PIK3R1: variants seen among roughly 807,000 people sequenced by gnomAD.
The protein encoded by PIK3R1 is phosphoinositide-3-kinase regulatory subunit 1, also known as phosphatidylinositol 3-kinase regulatory subunit alpha.
A neutral mutation model predicts 98.0 loss-of-function variants in PIK3R1; 29 were observed. The observed-to-expected ratio is 0.30, with a 90% confidence interval of 0.22 to 0.40. The LOEUF is 0.40. Among genes scored for constraint, PIK3R1 ranks in the 10% least tolerant of loss-of-function variants. The pLI, the probability that PIK3R1 is intolerant of heterozygous loss-of-function variation, is 1.00. For missense variants in PIK3R1, 596 were observed against 872.7 expected (o/e 0.68, Z 3.99); for synonymous variants, 282 against 311.8 (o/e 0.90, Z 1.01).
Position 68,301,126 on chromosome 5 carries a change from G to C in PIK3R1, c.*3525G>C. 4.4e-6 allele frequency: 1 copy of C among 227,924 alleles called. No homozygotes were observed. The highest frequency in any genetic ancestry group is 8.7e-6 in the Non-Finnish European group (1 of 114,648). 14.1% of individuals were successfully genotyped at this position (227,924 alleles called of 1,614,324 possible). On this transcript the variant is annotated 3_prime_UTR_variant, in exon 16 of 16. Coordinates refer to ENST00000521381, the MANE Select transcript of PIK3R1 (RefSeq NM_181523.3). ...GAAACGCAGACACTGAGATCTGTTT[G>C]AGTTTAGGGTCATTTTTAGAAAGGG...
intron 2 of PIK3R1, among the ~76,000 whole-genome samples, chr5:68,271,517 G>C (rs1746359385): frequency 6.6e-6 from 1 of 152,200 alleles, no homozygotes; most frequent in African/African-American, 2.4e-5. Context: ...GTGCAGGCAA[G>C]TAAGACTATA....
chr5:68,278,889 G>A (rs1399871864), intron 4 of PIK3R1, among the ~76,000 whole-genome samples: 9 of 151,448 alleles, frequency 5.9e-5, no homozygotes, highest in Non-Finnish European at 8.8e-5. Context: ...GCAGTGAGCC[G>A]AGATCACACC....
At chr5:68,261,646 A>G (rs1373808502) in intron 2 of PIK3R1, among the ~76,000 whole-genome samples, 1 of 152,196 alleles carries the variant, frequency 6.6e-6, no homozygotes, top group Non-Finnish European at 1.5e-5. Context: ...GATGACCAAC[A>G]GGGGGAAACC....
Position 68,300,950 on chromosome 5 carries a change from G to A in PIK3R1, c.*3349G>A, listed in dbSNP as rs1430868568. 4.3e-6 allele frequency: 1 copy of A among 233,272 alleles called. No individual in the cohort carries two copies. Among genetic ancestry groups the A allele is most frequent in the Non-Finnish European group, 8.5e-6 (1 of 117,926 alleles). 14.5% of individuals were successfully genotyped at this position (233,272 alleles called of 1,614,324 possible). On this transcript the variant is annotated 3_prime_UTR_variant, in exon 16 of 16. Transcript: ENST00000521381. Reference sequence around the variant, plus strand: ...GTGTCGAGTCAAAATGTGTTTATGTGAGCTGTCACTGTGGGGAACCAATTG... The same window carrying A: ...GTGTCGAGTCAAAATGTGTTTATGTAAGCTGTCACTGTGGGGAACCAATTG...
intron 1 of PIK3R1, among the ~76,000 whole-genome samples, chr5:68,221,295 TG>T (rs1225555152): frequency 2.6e-5 from 4 of 152,264 alleles, no homozygotes; most frequent in Admixed American, 2.0e-4. Flanking sequence ...TCATGATTTC[TG>T]GGACACCATG....
intron 4 of PIK3R1, among the ~76,000 whole-genome samples, chr5:68,274,750 AC>A (rs1438746876): frequency 6.6e-6 from 1 of 152,190 alleles, no homozygotes; most frequent in African/African-American, 2.4e-5. Flanking sequence ...TACCCCAAAC[AC>A]CCACTCCCTC....
intron 2 of PIK3R1, among the ~76,000 whole-genome samples, chr5:68,246,264 C>T (rs897555842): frequency 1.8e-4 from 28 of 151,974 alleles, no homozygotes; most frequent in African/African-American, 6.5e-4. Flanking sequence ...TATGCCTAGC[C>T]ATCCCCTTCC....
At chr5:68,219,940 A>G (rs187624914) in intron 1 of PIK3R1, among the ~76,000 whole-genome samples, 1 of 152,306 alleles carries the variant, frequency 6.6e-6, no homozygotes, top group Admixed American at 6.5e-5. Context: ...AAATAGAGAT[A>G]ATTGTTGTAC....
chr5:68,273,650 C>G (rs1309339241), intron 3 of PIK3R1, 168 bp downstream of exon 3: 7 of 636,982 alleles, frequency 1.1e-5, no homozygotes, highest in Non-Finnish European at 1.9e-5. Context: ...AAAAATGTCT[C>G]AGTCTATAAT....
In PIK3R1 at chr5:68,297,502, A is replaced by C. The variant is rs1747790762; in HGVS notation, c.2076A>C (p.Lys692Asn). The C allele has an allele frequency of 2.5e-6, 4 of 1,614,246 alleles. No homozygotes were observed. The Middle Eastern group carries it at 4.9e-4, about 200-fold the overall frequency. ...AEPYNLYSSL[K>N]ELVLHYQHTS... Reference sequence around the variant, plus strand: ...CCTATAACTTGTACAGCTCTCTGAAAGAACTGGTGCTACATTACCAACACA... The same window carrying C: ...CCTATAACTTGTACAGCTCTCTGAACGAACTGGTGCTACATTACCAACACA... The change falls in exon 16 of 16, where the codon AAA becomes AAC. Residue 692 changes from lysine (K) to asparagine (N), a missense_variant. Lys to Asn is a moderately conservative substitution (Grantham distance 94, BLOSUM62 0). Around this residue, in one of 3 missense-constraint regions of PIK3R1, gnomAD observed 207 missense variants for 361.4 expected, o/e 0.57. Coordinates refer to ENST00000521381, the MANE Select transcript of PIK3R1 (RefSeq NM_181523.3).
intron 1 of PIK3R1, chr5:68,217,637 T>TGTGTGG (rs1554044218): frequency 7.1e-6 from 1 of 140,288 alleles, no homozygotes; most frequent in Non-Finnish European, 1.5e-5. Flanking sequence ...GGGGTGTGTG[T>TGTGTGG]GTGTGTGTGT....
At chr5:68,283,738 C>T (rs1045183943) in intron 7 of PIK3R1, among the ~76,000 whole-genome samples, 2 of 152,234 alleles carry the variant, frequency 1.3e-5, no homozygotes, top group African/African-American at 4.8e-5. Context: ...GAGGTTCGCT[C>T]TGTGCTACCC....
rs567154778 is a variant in PIK3R1, at chr5:68,229,848, C to T, written c.334+2839C>T. On this transcript the variant is annotated intron_variant, in intron 2 of 15. Transcript: ENST00000521381. ...AAAACCCATTAGGAAATCTTATATA[C>T]GGCACTGTACTTTCTTCCAATACAT... 2.0e-3 allele frequency among the ~76,000 whole-genome samples: 302 copies of T among 152,296 alleles called. 3 individuals carry two copies. Among genetic ancestry groups the T allele is most frequent in the South Asian group, 0.013 (64 of 4,832 alleles).
chr5:68,300,127 T>C lies in PIK3R1; in HGVS notation c.*2526T>C, dbSNP rs1165712574. The C allele has an allele frequency of 8.6e-6, 2 of 233,152 alleles. No homozygotes were observed. The highest frequency in any genetic ancestry group is 1.7e-5 in the Non-Finnish European group (2 of 118,026). The allele number at this position is 233,152 out of a possible 1,614,324, so 14.4% of individuals were successfully genotyped here. On this transcript the variant is annotated 3_prime_UTR_variant, in exon 16 of 16. Transcript: ENST00000521381. Reference sequence around the variant, plus strand: ...TTTTGTGAATCTTTGTGCTTCAACATTCTTTGCAAGATGATACGGTATTTA... The same window carrying C: ...TTTTGTGAATCTTTGTGCTTCAACACTCTTTGCAAGATGATACGGTATTTA...
At position 68,280,530 on chromosome 5, in the gene PIK3R1, G is replaced by A. The variant is rs150170197; in HGVS notation, c.637G>A (p.Val213Ile). ...TTTTTTTTTTTTTAAACTTGTAGAA[G>A]TACAAAGCTCCGAAGAATATATTCA... is the stretch of plus-strand genomic sequence containing the variant. Reference protein sequence around the residue: ...YSEMISLAPEVQSSEEYIQLL... With the variant: ...YSEMISLAPEIQSSEEYIQLL... Residue 213 changes from valine (V) to isoleucine (I), a missense_variant and splice_region_variant, in exon 6 of 16, where the codon GTA becomes ATA. Around this residue, in one of 3 missense-constraint regions of PIK3R1, gnomAD observed 352 missense variants for 393.3 expected, o/e 0.90. Coordinates refer to ENST00000521381, the MANE Select transcript of PIK3R1 (RefSeq NM_181523.3). 3.3e-6 allele frequency: 5 copies of A among 1,530,962 alleles called. No homozygotes were observed. The African/African-American group carries it at 6.9e-5, about 21-fold the overall frequency. The allele number at this position is 1,530,962 out of a possible 1,614,324, so 94.8% of individuals were successfully genotyped here.
intron 2 of PIK3R1, among the ~76,000 whole-genome samples, chr5:68,257,826 CT>C (rs1419064602): frequency 6.6e-6 from 1 of 152,154 alleles, no homozygotes; most frequent in South Asian, 2.1e-4. Context: ...CTGTTATCTT[CT>C]TGTTGCCTCT....
At chr5:68,216,592 A>C (rs1025433983) in intron 1 of PIK3R1, among the ~76,000 whole-genome samples, 1 of 152,170 alleles carries the variant, frequency 6.6e-6, no homozygotes, top group Non-Finnish European at 1.5e-5. Context: ...TTGCCAGCCA[A>C]GCTTGGGCAG....
Position 68,279,742 on chromosome 5 carries a change from T to C in PIK3R1, c.634+9T>C. 1.9e-6 allele frequency: 3 copies of C among 1,614,046 alleles called. No homozygotes were observed. Among genetic ancestry groups the C allele is most frequent in the South Asian group, 1.1e-5 (1 of 91,070 alleles). ...GATTTCTTTAGCTCCAGGTTTGTTT[T>C]TTCTCTTCTGGGAACCTCATTGAAC... On this transcript the variant is annotated intron_variant, in intron 5 of 15. Transcript: ENST00000521381.
At position 68,299,329 on chromosome 5, in the gene PIK3R1, T is replaced by A; in HGVS notation, c.*1728T>A. 1 of 226,378 alleles carries A rather than the reference T, an allele frequency of 4.4e-6. No individual in the cohort carries two copies. The highest frequency in any genetic ancestry group is 8.6e-6 in the Non-Finnish European group (1 of 116,562). The allele number at this position is 226,378 out of a possible 1,614,324, so 14.0% of individuals were successfully genotyped here. A position where few individuals can be genotyped will look rare whatever the true frequency, so the allele number is the denominator to read the frequency against. ...ATAAAGCAAATAGACACAGTCATAC[T>A]GTCACTGCTCTGGACTGTGTGGAGC... On this transcript the variant is annotated 3_prime_UTR_variant, in exon 16 of 16. Coordinates refer to ENST00000521381, the MANE Select transcript of PIK3R1 (RefSeq NM_181523.3).
Sources: gnomAD v4.1 joint callset for allele counts (sites outside exome capture counted in the v4.1 genomes callset) on GRCh38, gnomAD v4.1.1 for gene constraint, gnomAD v4.1.1 regional missense constraint, MANE v1.5 for transcripts, NCBI Gene and HGNC (gene_info 2026-07-23, HGNC 2026-07-21) for gene names.